Variants in SLCO1B1 observed in about 807,000 individuals in gnomAD.
SLCO1B1 encodes solute carrier organic anion transporter family member 1B1, also known as OATP-2.
In SLCO1B1, 81 loss-of-function variants were observed where a neutral mutation model predicts 70.1. The ratio of observed to expected loss-of-function variants is 1.16; its 90% CI spans 0.97 to 1.39. The LOEUF (loss-of-function observed/expected upper bound fraction) is 1.39, where lower values mean the gene tolerates loss of function less well. SLCO1B1 is among the 40% of genes most tolerant of loss of function. The pLI is 0.00. For missense variants in SLCO1B1, 895 were observed against 799.6 expected, an observed-to-expected ratio of 1.12 and a Z score of -1.44; for synonymous variants, 283 against 271.5, an observed-to-expected ratio of 1.04 and a Z score of -0.42.
intron 2 of SLCO1B1, among the ~76,000 whole-genome samples, chr12:21,145,830 G>A (rs181578580): frequency 4.1e-4 from 62 of 152,190 alleles, no homozygotes; most frequent in African/African-American, 1.5e-3. Flanking sequence ...ATTGCTGAAT[G>A]CAAGTGGTGC....
At chr12:21,238,470 T>C (rs1451784263) in intron 14 of SLCO1B1, among the ~76,000 whole-genome samples, 4 of 152,058 alleles carry the variant, frequency 2.6e-5, no homozygotes, top group African/African-American at 7.2e-5. Context: ...TTTCAATCTA[T>C]GTTTTTTTTT....
chr12:21,229,849 C>A (rs557706285), intron 14 of SLCO1B1, among the ~76,000 whole-genome samples: 2 of 152,262 alleles, frequency 1.3e-5, no homozygotes, highest in African/African-American at 4.8e-5. Flanking sequence ...ATATACATTT[C>A]ATTTTCTTTT....
At chr12:21,226,058 T>C (rs1259405896) in intron 14 of SLCO1B1, among the ~76,000 whole-genome samples, 2 of 152,120 alleles carry the variant, frequency 1.3e-5, no homozygotes, top group Non-Finnish European at 2.9e-5. Context: ...AAGTGACCTA[T>C]CAACTCACAA....
At chr12:21,187,331 C>CT (rs1257017169) in intron 7 of SLCO1B1, among the ~76,000 whole-genome samples, 1 of 152,108 alleles carries the variant, frequency 6.6e-6, no homozygotes, top group Non-Finnish European at 1.5e-5. Flanking sequence ...AATTAGTACT[C>CT]TTTTTCAGAA....
intron 11 of SLCO1B1, among the ~76,000 whole-genome samples, chr12:21,207,190 G>T (rs1216068359): frequency 6.6e-6 from 1 of 151,920 alleles, no homozygotes; most frequent in Non-Finnish European, 1.5e-5. Context: ...TGTGTTAGAT[G>T]GGTATATTGT....
intron 7 of SLCO1B1, among the ~76,000 whole-genome samples, chr12:21,180,864 T>A (rs1940886813): frequency 1.3e-5 from 2 of 151,628 alleles, no homozygotes; most frequent in Non-Finnish European, 2.9e-5. Context: ...TAAGAAATTA[T>A]TACATTATTT....
At chr12:21,186,657 A>G (rs1940965244) in intron 7 of SLCO1B1, among the ~76,000 whole-genome samples, 1 of 151,914 alleles carries the variant, frequency 6.6e-6, no homozygotes, top group African/African-American at 2.4e-5. Context: ...CATAAAGATC[A>G]TTGTAAAAAA....
At chr12:21,195,673 G>A (rs1055660983) in intron 7 of SLCO1B1, among the ~76,000 whole-genome samples, 8 of 152,230 alleles carry the variant, frequency 5.3e-5, no homozygotes, top group African/African-American at 1.9e-4. Flanking sequence ...TAGAGAAGCT[G>A]GAGTTAAGTT....
At chr12:21,143,905 A>G (rs545286410) in intron 2 of SLCO1B1, among the ~76,000 whole-genome samples, 1 of 152,226 alleles carries the variant, frequency 6.6e-6, no homozygotes, top group South Asian at 2.1e-4. Context: ...ACCCAAATAT[A>G]CATGTTGTTA....
intron 14 of SLCO1B1, among the ~76,000 whole-genome samples, chr12:21,228,301 A>T (rs770424417): frequency 6.7e-6 from 1 of 149,258 alleles, no homozygotes; most frequent in Non-Finnish European, 1.5e-5. Context: ...GTATACTTAA[A>T]AGAAATGTAC....
rs949803195 is a variant in SLCO1B1 at position 21,228,414 on chromosome 12, G to T, written c.1865+3575G>T. 3.3e-5 allele frequency among the ~76,000 whole-genome samples: 5 copies of T among 152,102 alleles called. No homozygotes were observed. The South Asian group carries it at 6.2e-4, about 19-fold the overall frequency. ...TTTTACTCTTGATAAGTAAGCTGTT[G>T]TCTGTTTTCTTGTTCCTTTAAGGTA... is the stretch of plus-strand genomic sequence containing the variant. On this transcript the variant is annotated intron_variant, in intron 14 of 14. Transcript: ENST00000256958.
intron 2 of SLCO1B1, among the ~76,000 whole-genome samples, chr12:21,160,256 A>G (rs1565669284): frequency 6.6e-6 from 1 of 152,142 alleles, no homozygotes; most frequent in African/African-American, 2.4e-5. Context: ...CCAAAACAGC[A>G]TGGTACTAGT....
At chr12:21,197,365 C>A (rs1362763552) in intron 8 of SLCO1B1, among the ~76,000 whole-genome samples, 177 bp downstream of exon 8, 2 of 152,008 alleles carry the variant, frequency 1.3e-5, no homozygotes, top group Non-Finnish European at 1.5e-5. Flanking sequence ...ATGTCTTGAG[C>A]ACATAACAAG....
chr12:21,184,809 C>T (rs895696213), intron 7 of SLCO1B1, among the ~76,000 whole-genome samples: 1 of 152,072 alleles, frequency 6.6e-6, no homozygotes, highest in Non-Finnish European at 1.5e-5. Context: ...GTAAAAGACA[C>T]TGAGTGACAA....
chr12:21,202,617 T>C lies in SLCO1B1; in HGVS notation c.1262T>C (p.Phe421Ser), dbSNP rs1941171530. Residue 421 changes from phenylalanine (F) to serine (S), a missense_variant, in exon 10 of 15, where the codon TTT (phenylalanine) becomes TCT (serine). By Grantham distance (155) the Phe-to-Ser change is radical. Transcript: ENST00000256958. The stretch of plus-strand genomic sequence containing the variant: ...TTTACTGCTGTGATGTCATTGTCCT[T>C]TTACCTATTATATTTTTTCATACTC... ...SCFTAVMSLS[F>S]YLLYFFILCE... The C allele has an allele frequency of 1.2e-6, 2 of 1,612,856 alleles. No individual in the cohort carries two copies. Among genetic ancestry groups the C allele is most frequent in the African/African-American group, 2.7e-5 (2 of 74,866 alleles).
At chr12:21,132,403 A>G (rs1940150529) in intron 1 of SLCO1B1, among the ~76,000 whole-genome samples, 1 of 152,208 alleles carries the variant, frequency 6.6e-6, no homozygotes, top group Non-Finnish European at 1.5e-5. Flanking sequence ...TCCCTGAGGA[A>G]TCGCCACACT....
At chr12:21,154,629 C>T (rs1404784079) in intron 2 of SLCO1B1, among the ~76,000 whole-genome samples, 3 of 152,010 alleles carry the variant, frequency 2.0e-5, no homozygotes, top group African/African-American at 7.2e-5. Context: ...AAATTCTAGA[C>T]ACTATGACTA....
intron 7 of SLCO1B1, among the ~76,000 whole-genome samples, chr12:21,191,918 T>C (rs1444630099): frequency 6.6e-6 from 1 of 152,142 alleles, no homozygotes; most frequent in Non-Finnish European, 1.5e-5. Flanking sequence ...TGTGTTACAT[T>C]ACGCTTGGTG....
In SLCO1B1 at chr12:21,224,698, A is replaced by T. The variant is rs756381167; in HGVS notation, c.1748-24A>T. 1.2e-5 allele frequency: 15 copies of T among 1,296,552 alleles called. No individual in the cohort carries two copies. In the Admixed American group the frequency reaches 2.2e-4, roughly 19 times the overall value. The allele number at this position is 1,296,552 out of a possible 1,614,324, so 80.3% of individuals were successfully genotyped here. ...CATTTAAAATATGTTCCCTAAACTG[A>T]CATCTTCTCTTCTCCTATTACAGGA... On this transcript the variant is annotated intron_variant, in intron 13 of 14. Transcript: ENST00000256958.
Sources: allele counts gnomAD v4.1 joint callset (sites outside exome capture counted in the v4.1 genomes callset), GRCh38; gene constraint gnomAD v4.1.1; transcripts MANE v1.5; gene names NCBI Gene and HGNC (gene_info 2026-07-23, HGNC 2026-07-21).